PPFIA1: variants seen among roughly 807,000 people sequenced by gnomAD.
PPFIA1 encodes the protein PPFI scaffold protein A1.
Under a neutral mutation model 149.9 loss-of-function variants are expected in PPFIA1, and 25 were observed. The observed-to-expected ratio is 0.17, with a 90% CI of 0.12 to 0.23. The LOEUF (loss-of-function observed/expected upper bound fraction) is 0.23, where lower values mean the gene tolerates loss of function less well. Ranked by LOEUF, PPFIA1 falls within the 10% of genes least tolerant of loss-of-function variation. PPFIA1 has a pLI of 1.00. For missense variants in PPFIA1, 1,362 were observed against 1,506.5 expected (o/e 0.90, Z 1.59); for synonymous variants, 549 against 552.8 (o/e 0.99, Z 0.10).
At chr11:70,317,687 G>C (rs2053715506) in intron 2 of PPFIA1, among the ~76,000 whole-genome samples, 1 of 152,172 alleles carries the variant, frequency 6.6e-6, no homozygotes, top group South Asian at 2.1e-4. Context: ...AAGAGTGACA[G>C]CGTGCTGGGG....
intron 2 of PPFIA1, among the ~76,000 whole-genome samples, chr11:70,313,967 G>C (rs2053443757): frequency 6.6e-6 from 1 of 152,164 alleles, no homozygotes; most frequent in Non-Finnish European, 1.5e-5. Context: ...TCAGTGAGCC[G>C]TGATTGCCCC....
chr11:70,296,417 T>C (rs1053930678), intron 2 of PPFIA1, among the ~76,000 whole-genome samples: 1 of 152,142 alleles, frequency 6.6e-6, no homozygotes, highest in Non-Finnish European at 1.5e-5. Flanking sequence ...AACCAGACAC[T>C]GTCTGCAATC....
chr11:70,292,701 A>G (rs1037819661), intron 2 of PPFIA1, among the ~76,000 whole-genome samples: 16 of 152,274 alleles, frequency 1.1e-4, no homozygotes, highest in Middle Eastern at 3.4e-3. Context: ...TGACAGTGCT[A>G]TAAAGCAGGA....
In PPFIA1 at chr11:70,362,448, T is replaced by G. The variant is rs749747481; in HGVS notation, c.2825T>G (p.Met942Arg). The change falls in exon 21 of 28, where the codon ATG becomes AGG. Residue 942 changes from methionine (M) to arginine (R), a missense_variant. Around this residue, in one of 7 missense-constraint regions of PPFIA1, gnomAD observed 349 missense variants for 373.3 expected, o/e 0.93. Transcript: ENST00000253925. Reference sequence around the variant, plus strand: ...CTGAGGCTGGCCATCCAGGAGATCATGTCGCTGACCAGCCCGTCTGCCCCG... The same window carrying G: ...CTGAGGCTGGCCATCCAGGAGATCAGGTCGCTGACCAGCCCGTCTGCCCCG... ...LKLRLAIQEI[M>R]SLTSPSAPPT... 1 of 1,614,162 alleles carries G rather than the reference T, an allele frequency of 6.2e-7. No homozygotes were observed. The highest frequency in any genetic ancestry group is 8.5e-7 in the Non-Finnish European group (1 of 1,180,008).
At chr11:70,364,254 A>G (rs1258521659) in intron 21 of PPFIA1, 2 of 152,216 alleles carry the variant, frequency 1.3e-5, no homozygotes, top group Non-Finnish European at 2.9e-5. Flanking sequence ...TTCATCCAAC[A>G]TGAGCTGTAC....
At chr11:70,287,013 A>T (rs2051192639) in intron 2 of PPFIA1, among the ~76,000 whole-genome samples, 1 of 151,820 alleles carries the variant, frequency 6.6e-6, no homozygotes, top group African/African-American at 2.4e-5. Flanking sequence ...ACACATACAT[A>T]TATGTAATTA....
chr11:70,323,278 G>T (rs1265364292), intron 2 of PPFIA1, among the ~76,000 whole-genome samples: 1 of 152,080 alleles, frequency 6.6e-6, no homozygotes, highest in Non-Finnish European at 1.5e-5. Context: ...CCTGAATGAC[G>T]CCCCTGGTCT....
intron 2 of PPFIA1, among the ~76,000 whole-genome samples, chr11:70,315,125 C>T (rs571902536): frequency 2.0e-5 from 3 of 152,184 alleles, no homozygotes; most frequent in South Asian, 2.1e-4. Flanking sequence ...GATTATAATT[C>T]GAGATTTTGG....
rs770050858 is a variant in PPFIA1 at position 70,332,061 on chromosome 11, G to A, written c.1179G>A (p.Ala393=). The A allele has an allele frequency of 6.2e-6, 10 of 1,611,542 alleles. No homozygotes were observed. The highest frequency in any genetic ancestry group is 1.3e-5 in the African/African-American group (1 of 74,684). ...RKAETLPEVE[A]ELAQRVAALS... is the part of the protein sequence containing the mutation. ...CAGAGACGCTCCCGGAGGTGGAGGC[G>A]GAGCTGGCCCAGAGGGTGGCAGCGC... Residue 393 remains alanine, a synonymous_variant, in exon 9 of 28, where the codon GCG becomes GCA. Transcript: ENST00000253925.
chr11:70,372,322 C>T lies in PPFIA1; in HGVS notation c.2973C>T (p.Ala991=). 1 of 1,614,208 alleles carries T rather than the reference C, an allele frequency of 6.2e-7. No homozygotes were observed. Among genetic ancestry groups the T allele is most frequent in the South Asian group, 1.1e-5 (1 of 91,082 alleles). Residue 991 remains alanine, a synonymous_variant, in exon 22 of 28, where the codon GCC becomes GCT. Transcript: ENST00000253925. The stretch of plus-strand genomic sequence containing the variant: ...ACTTCATGGAGTGCCTTGTAGACGC[C>T]AGGATGCTGGACCACTTGACCAAGA... The part of the protein sequence containing the change: ...RSYFMECLVD[A]RMLDHLTKKD...
chr11:70,357,077 A>G (rs1450887978), intron 19 of PPFIA1, among the ~76,000 whole-genome samples: 3 of 152,188 alleles, frequency 2.0e-5, no homozygotes, highest in Non-Finnish European at 4.4e-5. Flanking sequence ...ACAGTGCCCA[A>G]GTGAGCCAAC....
chr11:70,348,056 G>A (rs1305414694), intron 15 of PPFIA1, 133 bp from the exon 16 acceptor site: 1 of 657,278 alleles, frequency 1.5e-6, no homozygotes, highest in East Asian at 2.7e-5. Flanking sequence ...TTTTGCTGAA[G>A]TGTTCATTGT....
chr11:70,366,123 C>T (rs2135292320), intron 21 of PPFIA1, among the ~76,000 whole-genome samples: 1 of 152,244 alleles, frequency 6.6e-6, no homozygotes, highest in East Asian at 1.9e-4. Flanking sequence ...ACTGGTCAAG[C>T]AAAACATAGC....
chr11:70,276,579 A>G (rs1275181371), intron 2 of PPFIA1, among the ~76,000 whole-genome samples: 2 of 152,114 alleles, frequency 1.3e-5, no homozygotes, highest in Non-Finnish European at 2.9e-5. Flanking sequence ...TCTACTCCCT[A>G]GAAGAGTTCC....
At chr11:70,302,131 G>C (rs74932336) in intron 2 of PPFIA1, among the ~76,000 whole-genome samples, 4,386 of 152,294 alleles carry the variant, frequency 0.029, 244 homozygotes, top group African/African-American at 0.1. Context: ...TGCCCTCAGG[G>C]GCCAGAAGAG....
intron 26 of PPFIA1, chr11:70,378,613 G>A (rs1292524248): frequency 3.3e-6 from 1 of 298,604 alleles, no homozygotes; most frequent in African/African-American, 2.3e-5. Flanking sequence ...ACATTTTTAA[G>A]AACACACAGT....
intron 23 of PPFIA1, chr11:70,374,576 G>T: frequency 4.7e-6 from 1 of 213,396 alleles, no homozygotes; most frequent in East Asian, 1.3e-4. Flanking sequence ...TGTGTGTGAA[G>T]CATGTTTATA....
intron 2 of PPFIA1, among the ~76,000 whole-genome samples, chr11:70,310,454 TG>T (rs1289577687): frequency 6.6e-6 from 1 of 151,418 alleles, no homozygotes. Flanking sequence ...GGGGCAATCT[TG>T]GCTCACTGCA....
chr11:70,338,741 A>G (rs1007792675), intron 13 of PPFIA1, among the ~76,000 whole-genome samples: 1 of 152,256 alleles, frequency 6.6e-6, no homozygotes. Flanking sequence ...GCAGAATGAC[A>G]GATCCCAAGA....
Sources: allele counts gnomAD v4.1 joint callset (sites outside exome capture counted in the v4.1 genomes callset), GRCh38; gene constraint gnomAD v4.1.1; regional missense constraint gnomAD v4.1.1; transcripts MANE v1.5; gene names NCBI Gene and HGNC (gene_info 2026-07-23, HGNC 2026-07-21).